NEBL: variants seen among roughly 807,000 people sequenced by gnomAD.
The protein encoded by NEBL is LIM and SH3 protein 2.
In NEBL, 122 loss-of-function variants were observed where a neutral mutation model predicts 140.2. That is an observed-to-expected ratio of 0.87 (90% CI 0.75 to 1.01). The LOEUF is 1.01. NEBL is among the 50% of genes least tolerant of loss of function. The probability of loss-of-function intolerance (pLI) is 0.00; values close to 1 mark genes in which losing one functional copy is unlikely to be tolerated. For missense variants in NEBL, 1,365 were observed against 1,231.3 expected, an observed-to-expected ratio of 1.11 and a Z score of -1.62; for synonymous variants, 436 against 398.9, an observed-to-expected ratio of 1.09 and a Z score of -1.11.
At chr10:21,034,947 T>A (rs1833954007) in intron 2 of NEBL, among the ~76,000 whole-genome samples, 1 of 26,770 alleles carries the variant, frequency 3.7e-5, no homozygotes, top group Non-Finnish European at 6.0e-5. Flanking sequence ...TTTATTCTTA[T>A]TTATTTATTT....
intron 2 of NEBL, among the ~76,000 whole-genome samples, chr10:21,078,231 G>T (rs1836195728): frequency 6.6e-6 from 1 of 152,152 alleles, no homozygotes; most frequent in African/African-American, 2.4e-5. Context: ...ACAAACAAAT[G>T]GACCAGAATG....
intron 2 of NEBL, among the ~76,000 whole-genome samples, chr10:21,096,772 C>T (rs560431908): frequency 5.3e-5 from 8 of 152,220 alleles, no homozygotes; most frequent in African/African-American, 1.7e-4. Context: ...CCCTCAGCTG[C>T]GACAGGATTA....
At chr10:21,194,697 C>T (rs1386427764) in intron 3 of NEBL, among the ~76,000 whole-genome samples, 1 of 152,136 alleles carries the variant, frequency 6.6e-6, no homozygotes, top group Non-Finnish European at 1.5e-5. Context: ...CACAGAGCCT[C>T]TCCCCAGATC....
intron 2 of NEBL, among the ~76,000 whole-genome samples, chr10:21,250,512 C>T (rs957219798): frequency 3.3e-5 from 5 of 152,172 alleles, no homozygotes; most frequent in Non-Finnish European, 7.4e-5. Context: ...TATACATATA[C>T]ATATCCTGTT....
rs548392680 is a variant in NEBL, at chr10:21,255,514, T to C, written n.183-3686A>G. Among the ~76,000 whole-genome samples, 45 of 152,320 alleles carry C rather than the reference T, an allele frequency of 3.0e-4. 1 individual carries two copies. The highest frequency in any genetic ancestry group is 4.1e-4 in the South Asian group (2 of 4,832). ...TAAATTTAAATTCATTAACAATAAA[T>C]AAAATTGTAAATTTGGGTTCCTTCA... On this transcript the variant is annotated intron_variant and non_coding_transcript_variant, in intron 1 of 8. Transcript: ENST00000675702.
chr10:20,860,985 A>AG (rs1041295289), intron 7 of NEBL, among the ~76,000 whole-genome samples: 1 of 152,168 alleles, frequency 6.6e-6, no homozygotes, highest in Admixed American at 6.5e-5. Flanking sequence ...ATAATAAAAA[A>AG]TTTCTGATAT....
At chr10:21,007,992 T>C (rs970149312) in intron 3 of NEBL, among the ~76,000 whole-genome samples, 1 of 152,182 alleles carries the variant, frequency 6.6e-6, no homozygotes, top group Non-Finnish European at 1.5e-5. Context: ...TGTTAGAGTG[T>C]CCAGCAGTGA....
At chr10:20,943,279 G>A (rs547981898) in intron 4 of NEBL, among the ~76,000 whole-genome samples, 13 of 152,288 alleles carry the variant, frequency 8.5e-5, no homozygotes, top group South Asian at 2.1e-4. Flanking sequence ...ATGAGTTCAC[G>A]TCCTTTGTAG....
intron 12 of NEBL, among the ~76,000 whole-genome samples, chr10:20,843,149 A>G (rs748677693): frequency 5.3e-5 from 8 of 152,052 alleles, no homozygotes; most frequent in Non-Finnish European, 1.0e-4. Context: ...GATAAGATTA[A>G]TATCTCTAAA....
chr10:20,789,927 GTA>G (rs940565544), intron 26 of NEBL, among the ~76,000 whole-genome samples: 7 of 149,540 alleles, frequency 4.7e-5, no homozygotes, highest in Non-Finnish European at 7.4e-5. Context: ...ATATGTGTGT[GTA>G]TATGTGTATA....
intron 2 of NEBL, among the ~76,000 whole-genome samples, chr10:21,114,700 C>A (rs768470788): frequency 7.2e-5 from 11 of 152,016 alleles, no homozygotes; most frequent in Non-Finnish European, 1.3e-4. Flanking sequence ...GTCCCATATG[C>A]ATACAGCTAC....
chr10:20,789,331 G>A lies in NEBL; in HGVS notation c.2762-2023C>T, dbSNP rs1382881219. ...TAATTCATTGTTACACCATTTAACT[G>A]TGAACTTTAAGTTTTAATGTGTAGA... On this transcript the variant is annotated intron_variant, in intron 26 of 27. Transcript: ENST00000377122. 2.0e-5 allele frequency among the ~76,000 whole-genome samples: 3 copies of A among 152,272 alleles called. No individual in the cohort carries two copies. In the East Asian group the frequency reaches 5.8e-4, roughly 29 times the overall value.
intron 2 of NEBL, among the ~76,000 whole-genome samples, chr10:21,161,738 G>T (rs906199471): frequency 1.3e-5 from 2 of 152,260 alleles, no homozygotes; most frequent in South Asian, 4.1e-4. Context: ...GAATAGGAAG[G>T]CTCAGGATGT....
intron 7 of NEBL, among the ~76,000 whole-genome samples, chr10:20,864,900 T>C (rs1007793599): frequency 2.0e-5 from 3 of 152,164 alleles, no homozygotes; most frequent in Non-Finnish European, 4.4e-5. Flanking sequence ...ATACAGCTTA[T>C]AAAATCTTAT....
At chr10:21,194,163 G>A (rs1010857154) in intron 3 of NEBL, among the ~76,000 whole-genome samples, 53 of 151,826 alleles carry the variant, frequency 3.5e-4, no homozygotes, top group Non-Finnish European at 7.4e-5. Context: ...ATAGAGATGG[G>A]ATTTCAATAT....
chr10:21,093,150 C>CTTTTTTTTTTTTTTTTTTTTT (rs4025884), intron 2 of NEBL, among the ~76,000 whole-genome samples: 25 of 95,030 alleles, frequency 2.6e-4, no homozygotes, highest in South Asian at 3.3e-4. Context: ...AGCAACAAGT[C>CTTTTTTTTTTTTTTTTTTTTT]TTTTTTTTTT....
rs1841181767 is a variant in NEBL, at chr10:21,173,594, G to C, written c.69+171C>G. ...TCCAACATCACAATCGCCAAGCGTG[G>C]TCTCTGACACTCCCGCTGGCGTCTT... On this transcript the variant is annotated intron_variant, in intron 1 of 6. Coordinates refer to the NEBL transcript ENST00000417816. The surrounding 1 kb of genome is among the most constrained non-coding windows in gnomAD (Gnocchi z 5.7). Among the ~76,000 whole-genome samples, 1 of 152,166 alleles carries C rather than the reference G, an allele frequency of 6.6e-6. No homozygotes were observed. Among genetic ancestry groups the C allele is most frequent in the Non-Finnish European group, 1.5e-5 (1 of 68,014 alleles).
chr10:21,266,917 C>T (rs1014125156), intron 1 of NEBL, among the ~76,000 whole-genome samples: 3 of 152,118 alleles, frequency 2.0e-5, no homozygotes, highest in Admixed American at 1.3e-4. Flanking sequence ...GCTGGGATTA[C>T]AGGTGTGCAC....
intron 4 of NEBL, among the ~76,000 whole-genome samples, chr10:20,947,764 C>T (rs1744442413): frequency 2.0e-5 from 3 of 151,908 alleles, no homozygotes; most frequent in Non-Finnish European, 2.9e-5. Flanking sequence ...GATGGAAGGA[C>T]GGCTTCATAG....
Sources: gnomAD v4.1 joint callset for allele counts (sites outside exome capture counted in the v4.1 genomes callset) on GRCh38, gnomAD v4.1.1 for gene constraint, Gnocchi (gnomAD v3.1) non-coding constraint, MANE v1.5 for transcripts, NCBI Gene and HGNC (gene_info 2026-07-23, HGNC 2026-07-21) for gene names.